Variants in TAFA2 observed in about 807,000 individuals in gnomAD.
TAFA2 encodes the protein TAFA chemokine like family member 2.
TAFA2 carries 7 observed loss-of-function variants against 18.8 expected under a neutral mutation model. The ratio of observed to expected loss-of-function variants is 0.37; its 90% CI spans 0.21 to 0.70. The LOEUF (loss-of-function observed/expected upper bound fraction) is 0.70. TAFA2 is among the 30% of genes least tolerant of loss of function. The pLI is 0.53. For synonymous variants in TAFA2, 60 were observed against 54.2 expected, an observed-to-expected ratio of 1.11 and a Z score of -0.47; for missense variants, 122 against 158.1, an observed-to-expected ratio of 0.77 and a Z score of 1.23.
chr12:61,982,284 T>C (rs1325332840), intron 1 of TAFA2, among the ~76,000 whole-genome samples: 1 of 151,986 alleles, frequency 6.6e-6, no homozygotes, highest in Non-Finnish European at 1.5e-5. Flanking sequence ...CACCAGGGCC[T>C]GTCGTGGGGT....
intron 1 of TAFA2, among the ~76,000 whole-genome samples, chr12:62,208,985 T>C (rs1292802383): frequency 6.6e-6 from 1 of 152,200 alleles, no homozygotes; most frequent in Admixed American, 6.5e-5. Context: ...CCTCTTTCTT[T>C]CTGCCTGGTT....
At chr12:61,741,361 A>G (rs10877731) in intron 4 of TAFA2, among the ~76,000 whole-genome samples, 53,722 of 151,696 alleles carry the variant, frequency 0.35, 9,573 homozygotes, top group African/African-American at 0.39. Flanking sequence ...ATACACACAC[A>G]CACATATATA....
chr12:62,000,408 G>C (rs1880341208), intron 1 of TAFA2, among the ~76,000 whole-genome samples: 1 of 146,280 alleles, frequency 6.8e-6, no homozygotes, highest in Non-Finnish European at 1.5e-5. Context: ...TGTTGGCAAG[G>C]ATGTGGAGTA....
intron 2 of TAFA2, among the ~76,000 whole-genome samples, chr12:61,812,854 G>C (rs1871931562): frequency 6.6e-6 from 1 of 151,316 alleles, no homozygotes; most frequent in Admixed American, 6.6e-5. Context: ...ACAGGCATGA[G>C]CCACCACGCC....
chr12:62,015,758 A>G (rs1335688026), intron 1 of TAFA2, among the ~76,000 whole-genome samples: 2 of 152,222 alleles, frequency 1.3e-5, no homozygotes, highest in Non-Finnish European at 2.9e-5. Flanking sequence ...TCATCAGATA[A>G]CAACTACAGC....
intron 4 of TAFA2, among the ~76,000 whole-genome samples, chr12:61,738,629 T>G (rs1592356280): frequency 6.6e-6 from 1 of 152,174 alleles, no homozygotes; most frequent in African/African-American, 2.4e-5. Flanking sequence ...CCTTTACAAT[T>G]GTGTAGTCCA....
chr12:62,048,576 C>T (rs2136770599), intron 1 of TAFA2, among the ~76,000 whole-genome samples: 1 of 152,252 alleles, frequency 6.6e-6, no homozygotes, highest in Non-Finnish European at 1.5e-5. Context: ...TATATTTCCC[C>T]AATTTTCAAA....
At chr12:61,975,734 C>T (rs960096126) in intron 1 of TAFA2, among the ~76,000 whole-genome samples, 2 of 151,794 alleles carry the variant, frequency 1.3e-5, no homozygotes. Flanking sequence ...TGATTATCCC[C>T]TTTGAGGTTG....
chr12:61,792,866 GA>G (rs1299700391), intron 2 of TAFA2, among the ~76,000 whole-genome samples: 1 of 151,140 alleles, frequency 6.6e-6, no homozygotes, highest in Non-Finnish European at 1.5e-5. Context: ...TTAAAAAGTA[GA>G]AAAAAATAGT....
At chr12:62,014,211 A>T (rs180697879) in intron 1 of TAFA2, among the ~76,000 whole-genome samples, 23 of 152,374 alleles carry the variant, frequency 1.5e-4, no homozygotes, top group African/African-American at 4.6e-4. Context: ...AATACAGGGT[A>T]AATTTAACAC....
At chr12:61,759,382 A>G (rs1440350314) in intron 2 of TAFA2, among the ~76,000 whole-genome samples, 1 of 151,932 alleles carries the variant, frequency 6.6e-6, no homozygotes, top group Non-Finnish European at 1.5e-5. Context: ...ATGAGGAGAA[A>G]CTAATATCAA....
intron 1 of TAFA2, among the ~76,000 whole-genome samples, chr12:61,978,617 C>T (rs1879520654): frequency 2.6e-5 from 4 of 151,950 alleles, no homozygotes; most frequent in Admixed American, 2.6e-4. Context: ...TGGTGCTCAG[C>T]ATTGAAGATA....
intron 1 of TAFA2, among the ~76,000 whole-genome samples, chr12:62,110,276 C>A (rs1336238155): frequency 2.0e-5 from 3 of 151,958 alleles, no homozygotes; most frequent in African/African-American, 7.2e-5. Context: ...ATAATGGATT[C>A]TCTTTATTGA....
At chr12:61,950,801 A>G (rs1315478654) in intron 1 of TAFA2, among the ~76,000 whole-genome samples, 1 of 152,138 alleles carries the variant, frequency 6.6e-6, no homozygotes, top group Non-Finnish European at 1.5e-5. Flanking sequence ...AGCACCTATT[A>G]TAATAACCAG....
chr12:62,027,478 A>C (rs1881339455), intron 1 of TAFA2, among the ~76,000 whole-genome samples: 1 of 152,158 alleles, frequency 6.6e-6, no homozygotes, highest in African/African-American at 2.4e-5. Flanking sequence ...AAAGCAAAAA[A>C]CATTCCTAGT....
chr12:62,031,477 A>G (rs1881456811), intron 1 of TAFA2, among the ~76,000 whole-genome samples: 1 of 151,456 alleles, frequency 6.6e-6, no homozygotes, highest in African/African-American at 2.4e-5. Flanking sequence ...TACTTAATAA[A>G]CTCCCCTTTA....
At chr12:62,036,709 C>T (rs2136753796) in intron 1 of TAFA2, among the ~76,000 whole-genome samples, 1 of 152,288 alleles carries the variant, frequency 6.6e-6, no homozygotes, top group South Asian at 2.1e-4. Context: ...TGATTATATA[C>T]ATATATTATG....
intron 4 of TAFA2, among the ~76,000 whole-genome samples, chr12:61,742,523 A>G (rs1197078761): frequency 6.6e-6 from 1 of 151,806 alleles, no homozygotes; most frequent in Non-Finnish European, 1.5e-5. Context: ...TTCTCTGTCT[A>G]CACTTTTTGT....
intron 1 of TAFA2, among the ~76,000 whole-genome samples, chr12:61,979,967 T>A (rs1879572628): frequency 6.6e-6 from 1 of 152,146 alleles, no homozygotes; most frequent in Non-Finnish European, 1.5e-5. Flanking sequence ...CAGTGCTGTG[T>A]CCCATAAAAC....
Sources: gnomAD v4.1 joint callset for allele counts (sites outside exome capture counted in the v4.1 genomes callset) on GRCh38, gnomAD v4.1.1 for gene constraint, MANE v1.5 for transcripts, NCBI Gene and HGNC (gene_info 2026-07-23, HGNC 2026-07-21) for gene names.